The following SNTG1 variants were observed in gnomAD, a reference collection of about 807,000 sequenced individuals.
The protein encoded by SNTG1 is gamma-1-syntrophin.
Under a neutral mutation model 74.7 loss-of-function variants are expected in SNTG1, and 39 were observed. The ratio of observed to expected loss-of-function variants is 0.52; its 90% confidence interval spans 0.40 to 0.68. SNTG1 has a LOEUF of 0.68. SNTG1 is among the 30% of genes least tolerant of loss of function. The pLI is 0.00. For synonymous variants in SNTG1, 254 were observed against 217.1 expected, an observed-to-expected ratio of 1.17 and a Z score of -1.49; for missense variants, 685 against 609.5, an observed-to-expected ratio of 1.12 and a Z score of -1.30.
intron 8 of SNTG1, among the ~76,000 whole-genome samples, chr8:50,494,588 T>C (rs1215916011): frequency 2.6e-5 from 4 of 152,000 alleles, no homozygotes; most frequent in African/African-American, 9.7e-5. Flanking sequence ...AGCTACTCAT[T>C]TGGCCACATA....
intron 9 of SNTG1, among the ~76,000 whole-genome samples, chr8:50,529,586 T>C (rs533877935): frequency 6.6e-6 from 1 of 152,052 alleles, no homozygotes; most frequent in South Asian, 2.1e-4. Context: ...TCTTAGAAAA[T>C]GACAAATCTT....
chr8:50,406,957 C>T (rs1403343716), intron 4 of SNTG1, among the ~76,000 whole-genome samples: 1 of 152,142 alleles, frequency 6.6e-6, no homozygotes, highest in African/African-American at 2.4e-5. Context: ...ACTGTACTTT[C>T]AGATAACCAG....
chr8:50,050,030 C>T (rs188561865), intron 1 of SNTG1, among the ~76,000 whole-genome samples: 65 of 151,770 alleles, frequency 4.3e-4, no homozygotes, highest in African/African-American at 1.4e-3. Flanking sequence ...ACAATCTAAT[C>T]TTTCACCTTA....
At chr8:50,720,301 A>C (rs1394536078) in intron 17 of SNTG1, among the ~76,000 whole-genome samples, 4 of 146,482 alleles carry the variant, frequency 2.7e-5, no homozygotes, top group African/African-American at 7.3e-5. Context: ...ACAAATCTAA[A>C]AGGTGTTCCC....
chr8:50,309,972 T>A (rs987791050), intron 2 of SNTG1, among the ~76,000 whole-genome samples: 21 of 152,302 alleles, frequency 1.4e-4, no homozygotes, highest in African/African-American at 4.8e-4. Flanking sequence ...AGTAAAAAAA[T>A]TCAGTGTCTA....
rs543933468 is a variant in SNTG1, at chr8:50,061,773, C to A, written c.-102-110788C>A. 2.6e-5 allele frequency among the ~76,000 whole-genome samples: 4 copies of A among 152,018 alleles called. No individual in the cohort carries two copies. The East Asian group carries it at 7.7e-4, about 29-fold the overall frequency. ...GTATATGGCTTAATTTTTAAGGTTT[C>A]AGTTATTTTCTTATTGTCTTGTTAT... On this transcript the variant is annotated intron_variant, in intron 1 of 18. Transcript: ENST00000642720.
At chr8:49,938,380 T>C (rs1808279002) in intron 1 of SNTG1, among the ~76,000 whole-genome samples, 1 of 152,106 alleles carries the variant, frequency 6.6e-6, no homozygotes, top group Admixed American at 6.6e-5. Context: ...TCCCCACTAT[T>C]TTGTAGACAA....
intron 10 of SNTG1, among the ~76,000 whole-genome samples, chr8:50,534,853 G>T (rs1237987486): frequency 1.3e-5 from 2 of 152,098 alleles, no homozygotes; most frequent in Non-Finnish European, 2.9e-5. Flanking sequence ...CAAAGATGTT[G>T]CAAGTGGTGT....
intron 2 of SNTG1, among the ~76,000 whole-genome samples, chr8:50,203,814 T>C (rs71511985): frequency 6.6e-6 from 1 of 151,968 alleles, no homozygotes; most frequent in Non-Finnish European, 1.5e-5. Context: ...TAAAATCTTG[T>C]TATATTTGTA....
intron 1 of SNTG1, among the ~76,000 whole-genome samples, chr8:50,099,725 C>T (rs532678657): frequency 4.6e-5 from 7 of 152,152 alleles, no homozygotes; most frequent in African/African-American, 1.7e-4. Flanking sequence ...GATTGCATTT[C>T]CCTGATGAAT....
At chr8:50,777,857 C>G (rs373983385) in intron 18 of SNTG1, among the ~76,000 whole-genome samples, 1 of 152,038 alleles carries the variant, frequency 6.6e-6, no homozygotes, top group Admixed American at 6.6e-5. Context: ...CCCCTGTCCC[C>G]CCACCCGACA....
At chr8:50,286,807 TA>T (rs2088812893) in intron 2 of SNTG1, 1 of 152,202 alleles carries the variant, frequency 6.6e-6, no homozygotes, top group Non-Finnish European at 1.5e-5. Context: ...TTTAACCTGT[TA>T]TTTCAATACA....
intron 18 of SNTG1, among the ~76,000 whole-genome samples, chr8:50,779,855 T>C (rs1469859678): frequency 6.6e-6 from 1 of 152,260 alleles, no homozygotes; most frequent in East Asian, 1.9e-4. Context: ...CAGATAGCTC[T>C]TATTATTTTG....
chr8:50,501,305 C>A (rs937645479), intron 8 of SNTG1, among the ~76,000 whole-genome samples: 5 of 151,804 alleles, frequency 3.3e-5, no homozygotes, highest in Non-Finnish European at 7.4e-5. Context: ...GGCCTGAGAC[C>A]CCAATCAGAT....
At chr8:50,752,195 A>T (rs2095569272) in intron 18 of SNTG1, 84 bp downstream of exon 18, 1 of 642,692 alleles carries the variant, frequency 1.6e-6, no homozygotes, top group Non-Finnish European at 2.5e-6. Flanking sequence ...TCGGGGAATC[A>T]CAAGACCAAA....
intron 1 of SNTG1, among the ~76,000 whole-genome samples, chr8:49,978,399 G>T (rs917880510): frequency 6.6e-6 from 1 of 152,118 alleles, no homozygotes; most frequent in African/African-American, 2.4e-5. Context: ...AAATGAAAAT[G>T]CAGCCAAGGC....
chr8:50,698,203 C>T (rs963030784), intron 15 of SNTG1, among the ~76,000 whole-genome samples: 1 of 152,024 alleles, frequency 6.6e-6, no homozygotes, highest in Non-Finnish European at 1.5e-5. Flanking sequence ...AGGAATTTGT[C>T]CATTTCCTCT....
chr8:50,314,444 T>C (rs186888525), intron 2 of SNTG1, among the ~76,000 whole-genome samples: 1 of 149,902 alleles, frequency 6.7e-6, no homozygotes, highest in East Asian at 2.0e-4. Context: ...AAAGTCCCTG[T>C]TCCCTCTTTT....
At chr8:50,726,488 A>G (rs1280877751) in intron 17 of SNTG1, among the ~76,000 whole-genome samples, 1 of 152,202 alleles carries the variant, frequency 6.6e-6, no homozygotes, top group East Asian at 1.9e-4. Flanking sequence ...AAGCATCATG[A>G]TTTGTGAATA....
Sources: gnomAD v4.1 joint callset for allele counts (sites outside exome capture counted in the v4.1 genomes callset) on GRCh38, gnomAD v4.1.1 for gene constraint, MANE v1.5 for transcripts, NCBI Gene and HGNC (gene_info 2026-07-23, HGNC 2026-07-21) for gene names.